VAV3: variants seen among roughly 807,000 people sequenced by gnomAD.
VAV3 encodes guanine nucleotide exchange factor VAV3.
In VAV3, 94 loss-of-function variants were observed where a neutral mutation model predicts 131.2. The ratio of observed to expected loss-of-function variants is 0.72; its 90% CI spans 0.61 to 0.85. The LOEUF is 0.85. VAV3 is among the 40% of genes least tolerant of loss of function. VAV3 has a pLI of 0.00. For missense variants in VAV3, 939 were observed against 1,002.7 expected (o/e 0.94, Z 0.86); for synonymous variants, 349 against 342.0 (o/e 1.02, Z -0.22).
intron 1 of VAV3, among the ~76,000 whole-genome samples, chr1:107,908,414 C>T (rs1672205614): frequency 6.6e-6 from 1 of 152,144 alleles, no homozygotes; most frequent in South Asian, 2.1e-4. Flanking sequence ...AATCTTCCTT[C>T]CCTATATCAA....
chr1:107,744,842 G>T (rs531289058), intron 15 of VAV3, among the ~76,000 whole-genome samples: 55 of 152,236 alleles, frequency 3.6e-4, no homozygotes, highest in African/African-American at 9.1e-4. Context: ...CACCCTTATG[G>T]ATAAAGAAAC....
Position 107,699,529 on chromosome 1 carries a change from G to A in VAV3, c.1705+5021C>T, listed in dbSNP as rs2494061. On this transcript the variant is annotated intron_variant, in intron 17 of 26. Transcript: ENST00000370056. ...CTACCATTGTGGAATCTGGAGGACC[G>A]TGGCCCTCTTCTCACAGCTCCACTA... 3.2e-3 allele frequency among the ~76,000 whole-genome samples: 489 copies of A among 152,328 alleles called. 3 individuals are homozygous for A. Among genetic ancestry groups the A allele is most frequent in the African/African-American group, 0.011 (452 of 41,578 alleles).
intron 25 of VAV3, among the ~76,000 whole-genome samples, chr1:107,590,601 A>C (rs1229689210): frequency 2.6e-5 from 4 of 152,136 alleles, no homozygotes; most frequent in Non-Finnish European, 4.4e-5. Flanking sequence ...AGGTACCTAA[A>C]CACTGTGCAA....
At chr1:107,926,821 C>T (rs1206370003) in intron 1 of VAV3, among the ~76,000 whole-genome samples, 2 of 152,136 alleles carry the variant, frequency 1.3e-5, no homozygotes, top group African/African-American at 2.4e-5. Context: ...CTCACCACCA[C>T]AGGCTAAAGT....
intron 18 of VAV3, among the ~76,000 whole-genome samples, chr1:107,686,773 T>C (rs1659057724): frequency 6.6e-6 from 1 of 152,240 alleles, no homozygotes; most frequent in East Asian, 1.9e-4. Context: ...ATCATAGGCT[T>C]ACATGTAATT....
intron 4 of VAV3, among the ~76,000 whole-genome samples, chr1:107,776,692 C>T (rs183519960): frequency 4.3e-4 from 65 of 152,286 alleles, no homozygotes; most frequent in African/African-American, 1.5e-3. Context: ...TGAGGAGTAA[C>T]GATCACGCAT....
intron 1 of VAV3, among the ~76,000 whole-genome samples, chr1:107,881,786 T>C (rs2101037150): frequency 1.3e-5 from 2 of 152,284 alleles, no homozygotes; most frequent in East Asian, 3.9e-4. Flanking sequence ...CATAACCAGG[T>C]AGCTACCACA....
In VAV3 at chr1:107,964,875, A is replaced by C. The variant is rs1418740607; in HGVS notation, c.-6T>G. ...CACTGCTTCCACGGCTCCATGCCCGACGGCTCCGGGACGCGGCTGGGCCGG... is the reference window on the plus strand; with the variant it reads ...CACTGCTTCCACGGCTCCATGCCCGCCGGCTCCGGGACGCGGCTGGGCCGG... On this transcript the variant is annotated 5_prime_UTR_variant, in exon 1 of 27. Coordinates refer to ENST00000370056, the MANE Select transcript of VAV3 (RefSeq NM_006113.5). 6.4e-7 allele frequency: 1 copy of C among 1,551,226 alleles called. No individual in the cohort carries two copies. Among genetic ancestry groups the C allele is most frequent in the Admixed American group, 1.8e-5 (1 of 54,752 alleles).
chr1:107,642,679 C>A lies in VAV3; in HGVS notation c.1854G>T (p.Gln618His). 1 of 1,612,944 alleles carries A rather than the reference C, an allele frequency of 6.2e-7. No individual in the cohort carries two copies. Among genetic ancestry groups the A allele is most frequent in the African/African-American group, 1.3e-5 (1 of 74,922 alleles). ...PPALHEGPPL[Q>H]LQAGDTVELL... ...GTTCAACGGTATCCCCGGCCTGGAG[C>A]TGTAAAGGGGGTCCTTCATGCAGAG... The change falls in exon 20 of 27, where the codon CAG becomes CAT. Residue 618 changes from glutamine to histidine, a missense_variant. Coordinates refer to ENST00000370056, the MANE Select transcript of VAV3 (RefSeq NM_006113.5).
intron 19 of VAV3, among the ~76,000 whole-genome samples, chr1:107,673,008 T>G (rs907643660): frequency 6.6e-6 from 1 of 152,180 alleles, no homozygotes; most frequent in Non-Finnish European, 1.5e-5. Flanking sequence ...GTTCATATGC[T>G]TTGACCCAGA....
At chr1:107,949,751 T>C (rs1055102202) in intron 1 of VAV3, among the ~76,000 whole-genome samples, 1 of 152,216 alleles carries the variant, frequency 6.6e-6, no homozygotes, top group African/African-American at 2.4e-5. Flanking sequence ...CACAGTTCTA[T>C]TTGTCATAAT....
chr1:107,630,095 A>G (rs1654338426), intron 20 of VAV3, among the ~76,000 whole-genome samples: 2 of 152,202 alleles, frequency 1.3e-5, no homozygotes, highest in South Asian at 2.1e-4. Flanking sequence ...ATTTTTATCT[A>G]TAGGTTTAAC....
At chr1:107,777,160 T>A in intron 4 of VAV3, 71 bp downstream of exon 4, 1 of 1,355,050 alleles carries the variant, frequency 7.4e-7, no homozygotes, top group Admixed American at 1.7e-5. Context: ...TACTTTAACA[T>A]CCACAGTTAA....
At chr1:107,647,724 G>A (rs1018963569) in intron 19 of VAV3, among the ~76,000 whole-genome samples, 1 of 151,976 alleles carries the variant, frequency 6.6e-6, no homozygotes, top group Non-Finnish European at 1.5e-5. Flanking sequence ...GTGGGTACAT[G>A]TGCAAAACAC....
intron 22 of VAV3, chr1:107,609,726 C>T (rs530830000): frequency 7.6e-5 from 41 of 540,332 alleles, no homozygotes; most frequent in South Asian, 1.4e-4. Flanking sequence ...ACTGGGCACT[C>T]GCATGCACAC....
intron 15 of VAV3, among the ~76,000 whole-genome samples, chr1:107,739,271 T>G (rs1389105178): frequency 1.3e-5 from 2 of 152,246 alleles, no homozygotes; most frequent in African/African-American, 4.8e-5. Flanking sequence ...ACTAATCCTT[T>G]GTCATGCATG....
chr1:107,578,464 G>A (rs1031829221), intron 25 of VAV3, among the ~76,000 whole-genome samples: 2 of 152,114 alleles, frequency 1.3e-5, no homozygotes. Flanking sequence ...CCATTTTAAT[G>A]AGCAAATGAC....
At chr1:107,658,195 G>A (rs1020889314) in intron 19 of VAV3, among the ~76,000 whole-genome samples, 4 of 152,196 alleles carry the variant, frequency 2.6e-5, no homozygotes, top group South Asian at 2.1e-4. Flanking sequence ...GAGAACATGC[G>A]GTGTTTGGTT....
At chr1:107,895,126 A>G (rs1314142967) in intron 1 of VAV3, among the ~76,000 whole-genome samples, 2 of 152,090 alleles carry the variant, frequency 1.3e-5, no homozygotes, top group Non-Finnish European at 2.9e-5. Context: ...GAAGAGGAAA[A>G]AAAAAAGAGC....
Sources: gnomAD v4.1 joint callset for allele counts (sites outside exome capture counted in the v4.1 genomes callset) on GRCh38, gnomAD v4.1.1 for gene constraint, MANE v1.5 for transcripts, NCBI Gene and HGNC (gene_info 2026-07-23, HGNC 2026-07-21) for gene names.